Variants in PLXNA2 observed in about 807,000 individuals in gnomAD.
PLXNA2 encodes plexin A2, also known as plexin-A2.
Under a neutral mutation model 193.5 loss-of-function variants are expected in PLXNA2, and 91 were observed. The observed-to-expected ratio is 0.47, with a 90% CI of 0.40 to 0.56. The LOEUF is 0.56. Among genes scored for constraint, PLXNA2 ranks in the 20% least tolerant of loss-of-function variants. PLXNA2 has a pLI of 0.00. For synonymous variants in PLXNA2, 997 were observed against 1,027.3 expected, an observed-to-expected ratio of 0.97 and a Z score of 0.56; for missense variants, 1,995 against 2,503.2, an observed-to-expected ratio of 0.80 and a Z score of 4.33.
intron 10 of PLXNA2, 34 bp downstream of exon 10, chr1:208,084,346 T>G: frequency 6.2e-7 from 1 of 1,609,394 alleles, no homozygotes; most frequent in Non-Finnish European, 8.5e-7. Context: ...GAGGAAGCCC[T>G]GCTCCAGGCA....
intron 3 of PLXNA2, among the ~76,000 whole-genome samples, chr1:208,197,107 T>C (rs1408939850): frequency 6.6e-6 from 1 of 152,204 alleles, no homozygotes; most frequent in Non-Finnish European, 1.5e-5. Flanking sequence ...TAGTAAATAG[T>C]AGAGTTAGGA....
At chr1:208,218,399 G>T (rs190018921) in intron 1 of PLXNA2, among the ~76,000 whole-genome samples, 1 of 152,082 alleles carries the variant, frequency 6.6e-6, no homozygotes, top group East Asian at 1.9e-4. Context: ...AGTGGAAGTC[G>T]CTCCTGTTTT....
intron 29 of PLXNA2, 104 bp from the exon 30 acceptor site, chr1:208,029,146 G>T (rs1193024419): frequency 2.0e-6 from 3 of 1,524,150 alleles, no homozygotes; most frequent in East Asian, 2.3e-5. Context: ...CCACCTGAAG[G>T]GGCAAAGGAG....
chr1:208,073,401 A>G (rs909086442), intron 12 of PLXNA2, among the ~76,000 whole-genome samples: 4 of 152,224 alleles, frequency 2.6e-5, no homozygotes, highest in Non-Finnish European at 5.9e-5. Context: ...CAGGTGGCCA[A>G]TGTTCAAGCA....
At chr1:208,117,366 G>T (rs1288714833) in intron 4 of PLXNA2, among the ~76,000 whole-genome samples, 1 of 152,146 alleles carries the variant, frequency 6.6e-6, no homozygotes, top group Non-Finnish European at 1.5e-5. Flanking sequence ...GGAGGTCACC[G>T]CTCCCACCCC....
chr1:208,095,807 G>A (rs1041473480), intron 8 of PLXNA2, among the ~76,000 whole-genome samples: 1 of 152,090 alleles, frequency 6.6e-6, no homozygotes, highest in South Asian at 2.1e-4. Flanking sequence ...GTGTTGGGGT[G>A]GCATCCAAGG....
intron 8 of PLXNA2, 48 bp from the exon 9 acceptor site, chr1:208,092,948 G>T: frequency 7.6e-7 from 1 of 1,315,376 alleles, no homozygotes; most frequent in Non-Finnish European, 1.1e-6. Context: ...AACAAAGAGG[G>T]AAGGTGGCAT....
chr1:208,043,147 C>T lies in PLXNA2; in HGVS notation c.3931G>A (p.Gly1311Arg). The T allele has an allele frequency of 6.2e-7, 1 of 1,614,176 alleles. No homozygotes were observed. The highest frequency in any genetic ancestry group is 8.5e-7 in the Non-Finnish European group (1 of 1,180,010). Residue 1311 changes from glycine to arginine, a missense_variant, in exon 21 of 32, where the codon GGA becomes AGA. Gly to Arg is a moderately radical substitution (Grantham distance 125). Coordinates refer to ENST00000367033, the MANE Select transcript of PLXNA2 (RefSeq NM_025179.4). ...GTACGATAGTCCAGGTAAGGGATTC[C>T]TGAGCGGTCCAGGTCACTGGTCAAC... ...NELTSDLDRS[G>R]IPYLDYRTYA...
At chr1:208,214,060 G>A (rs764706362) in intron 2 of PLXNA2, among the ~76,000 whole-genome samples, 1 of 151,966 alleles carries the variant, frequency 6.6e-6, no homozygotes. Flanking sequence ...TAACCCTTAC[G>A]GAGGGTTACA....
rs373494232 is a variant in PLXNA2 at position 208,142,376 on chromosome 1, C to T, written c.1459G>A (p.Ala487Thr). The T allele has an allele frequency of 1.1e-4, 170 of 1,613,738 alleles. No individual in the cohort carries two copies. The highest frequency in any genetic ancestry group is 1.3e-4 in the Non-Finnish European group (157 of 1,179,892). The change falls in exon 4 of 32, where the codon GCC becomes ACC. Residue 487 changes from alanine to threonine, a missense_variant. Ala to Thr is a moderately conservative substitution (Grantham distance 58). Coordinates refer to ENST00000367033, the MANE Select transcript of PLXNA2 (RefSeq NM_025179.4). ...AGGTAGCGCTGATCAATGGAGAAGG[C>T]CATGTCCCGGAGGATGGGGCTTCCG... Reference protein sequence around the residue: ...KDGSPILRDMAFSIDQRYLYV... With the variant: ...KDGSPILRDMTFSIDQRYLYV...
At chr1:208,106,022 A>C (rs1004362418) in intron 4 of PLXNA2, among the ~76,000 whole-genome samples, 1 of 151,710 alleles carries the variant, frequency 6.6e-6, no homozygotes, top group Non-Finnish European at 1.5e-5. Flanking sequence ...TCCAAACATG[A>C]AACCAATAGC....
Position 208,217,926 on chromosome 1 carries a change from G to A in PLXNA2, c.-4C>T, listed in dbSNP as rs1308599220. 6.2e-7 allele frequency: 1 copy of A among 1,607,372 alleles called. No homozygotes were observed. ...GCCAGGGCCGCCTCTGTTCCATGCT[G>A]AGAGGGGCGGCGGTGAGGAGACGGC... On this transcript the variant is annotated 5_prime_UTR_variant, in exon 2 of 32. Coordinates refer to ENST00000367033, the MANE Select transcript of PLXNA2 (RefSeq NM_025179.4). This position sits in a 1 kb window ranked among gnomAD's most constrained non-coding sequence, Gnocchi z 4.7.
At chr1:208,125,363 C>G (rs1463553396) in intron 4 of PLXNA2, among the ~76,000 whole-genome samples, 1 of 152,210 alleles carries the variant, frequency 6.6e-6, no homozygotes, top group Non-Finnish European at 1.5e-5. Flanking sequence ...CACTGCTCAG[C>G]ATCTCTCTTC....
In PLXNA2 at chr1:208,104,791, G is replaced by C. The variant is rs557100475; in HGVS notation, c.1507-1544C>G. Among the ~76,000 whole-genome samples, 234 of 152,264 alleles carry C rather than the reference G, an allele frequency of 1.5e-3. 6 individuals carry two copies. In the South Asian group the frequency reaches 0.035, roughly 23 times the overall value. Reference sequence around the variant, plus strand: ...TTTCTGTAAGTCAGTGACATGATCAGCTTTAAACATCCCTCACCTCCCTTT... The same window carrying C: ...TTTCTGTAAGTCAGTGACATGATCACCTTTAAACATCCCTCACCTCCCTTT... On this transcript the variant is annotated intron_variant, in intron 4 of 31. Coordinates refer to ENST00000367033, the MANE Select transcript of PLXNA2 (RefSeq NM_025179.4).
chr1:208,096,893 G>C lies in PLXNA2; in HGVS notation c.1732-10C>G. The C allele has an allele frequency of 1.2e-6, 2 of 1,610,948 alleles. No individual in the cohort carries two copies. Among genetic ancestry groups the C allele is most frequent in the Non-Finnish European group, 1.7e-6 (2 of 1,179,000 alleles). ...TCACTACCAGGCTAAGCTGTGGGAG[G>C]AGCAAAGAGATGATGCCAAAGAAAT... On this transcript the variant is annotated splice_polypyrimidine_tract_variant and intron_variant, in intron 6 of 31. Transcript: ENST00000367033.
At chr1:208,090,792 G>T (rs1666681186) in intron 9 of PLXNA2, among the ~76,000 whole-genome samples, 1 of 152,138 alleles carries the variant, frequency 6.6e-6, no homozygotes, top group South Asian at 2.1e-4. Flanking sequence ...TTTCAAAGTG[G>T]CCCATGTCAA....
intron 12 of PLXNA2, among the ~76,000 whole-genome samples, chr1:208,068,960 T>C (rs982238236): frequency 1.3e-5 from 2 of 152,202 alleles, no homozygotes; most frequent in Admixed American, 6.5e-5. Context: ...AAAGTGTGTA[T>C]ATCGTTTGCA....
intron 3 of PLXNA2, among the ~76,000 whole-genome samples, chr1:208,189,156 G>C (rs1323591283): frequency 1.3e-5 from 2 of 152,218 alleles, no homozygotes; most frequent in Non-Finnish European, 2.9e-5. Context: ...GATCCTGAAT[G>C]ATTTCAGGCT....
chr1:208,055,559 C>T (rs568251676), intron 13 of PLXNA2, among the ~76,000 whole-genome samples: 129 of 152,138 alleles, frequency 8.5e-4, no homozygotes, highest in African/African-American at 3.0e-3. Flanking sequence ...AACATCATTT[C>T]GGAGATTCAG....
Sources: allele counts gnomAD v4.1 joint callset (sites outside exome capture counted in the v4.1 genomes callset), GRCh38; gene constraint gnomAD v4.1.1; non-coding constraint Gnocchi (gnomAD v3.1); transcripts MANE v1.5; gene names NCBI Gene and HGNC (gene_info 2026-07-23, HGNC 2026-07-21).